Variants in XKR4 observed in about 807,000 individuals in gnomAD.
XKR4 encodes XK-related protein 4.
A neutral mutation model predicts 53.9 loss-of-function variants in XKR4; 12 were observed. That is an observed-to-expected ratio of 0.22 (90% CI 0.14 to 0.36). The LOEUF is 0.36. Ranked by LOEUF, XKR4 falls within the 10% of genes least tolerant of loss-of-function variation. The probability of loss-of-function intolerance (pLI) is 1.00; values close to 1 mark genes in which losing one functional copy is unlikely to be tolerated. For missense variants in XKR4, 799 were observed against 859.5 expected (o/e 0.93, Z 0.88); for synonymous variants, 354 against 362.4 (o/e 0.98, Z 0.26).
intron 2 of XKR4, among the ~76,000 whole-genome samples, chr8:55,461,203 G>C (rs1000965770): frequency 1.3e-5 from 2 of 152,222 alleles, no homozygotes; most frequent in Admixed American, 1.3e-4. Context: ...ACCCGGAGTA[G>C]CCTAACTGGA....
chr8:55,430,765 C>T (rs897915804), intron 2 of XKR4, among the ~76,000 whole-genome samples: 4 of 152,106 alleles, frequency 2.6e-5, no homozygotes, highest in African/African-American at 9.7e-5. Context: ...TCTTCTGAGG[C>T]CTCTCTCCTT....
chr8:55,435,765 G>A (rs1161702727), intron 2 of XKR4, among the ~76,000 whole-genome samples: 1 of 151,858 alleles, frequency 6.6e-6, no homozygotes, highest in African/African-American at 2.4e-5. Flanking sequence ...ATAAGGTCTT[G>A]CCACGTTGCC....
chr8:55,503,847 T>C (rs1418557207), intron 2 of XKR4, among the ~76,000 whole-genome samples: 1 of 152,180 alleles, frequency 6.6e-6, no homozygotes, highest in Non-Finnish European at 1.5e-5. Context: ...TTTTCGTTTA[T>C]GGCCTTTATT....
chr8:55,109,760 G>T (rs1816207761), intron 1 of XKR4, among the ~76,000 whole-genome samples: 1 of 152,160 alleles, frequency 6.6e-6, no homozygotes, highest in South Asian at 2.1e-4. Context: ...AGTTGAATGT[G>T]TAGCATCTGT....
intron 1 of XKR4, among the ~76,000 whole-genome samples, chr8:55,199,217 G>C (rs1030597169): frequency 6.6e-6 from 1 of 151,738 alleles, no homozygotes; most frequent in African/African-American, 2.4e-5. Flanking sequence ...GTCAGACTTT[G>C]TTTACAAAAA....
intron 1 of XKR4, among the ~76,000 whole-genome samples, chr8:55,153,902 T>TA (rs1816871544): frequency 6.6e-6 from 1 of 152,218 alleles, no homozygotes; most frequent in African/African-American, 2.4e-5. Context: ...AAATCAAAGA[T>TA]AGAGGGGAAT....
At chr8:55,258,633 C>A (rs547893052) in intron 1 of XKR4, among the ~76,000 whole-genome samples, 49 of 152,264 alleles carry the variant, frequency 3.2e-4, no homozygotes, top group African/African-American at 1.1e-3. Flanking sequence ...GGTCAACACT[C>A]CATACTGAGC....
intron 2 of XKR4, among the ~76,000 whole-genome samples, chr8:55,482,038 A>T (rs927069351): frequency 8.5e-5 from 13 of 152,316 alleles, no homozygotes; most frequent in African/African-American, 3.1e-4. Flanking sequence ...CAGCCATCCC[A>T]TTACTGAGTA....
At position 55,451,935 on chromosome 8, in the gene XKR4, C is replaced by T. The variant is rs1041520187; in HGVS notation, c.1007-71346C>T. On this transcript the variant is annotated intron_variant, in intron 2 of 2. Coordinates refer to ENST00000327381, the MANE Select transcript of XKR4 (RefSeq NM_052898.2). ...CCTCCTCCTGGTCCTCAGAGGGCGG[C>T]TGGCTCCAGTGCTCCTAGCTGAGTT... 1.4e-5 allele frequency: 11 copies of T among 777,582 alleles called. No individual in the cohort carries two copies. In the African/African-American group the frequency reaches 1.9e-4, roughly 13 times the overall value. The allele number at this position is 777,582 out of a possible 1,614,324, so 48.2% of individuals were successfully genotyped here. A position where few individuals can be genotyped will look rare whatever the true frequency, so the allele number is the denominator to read the frequency against.
chr8:55,308,836 A>G (rs1563321283), intron 1 of XKR4, among the ~76,000 whole-genome samples: 1 of 152,200 alleles, frequency 6.6e-6, no homozygotes, highest in Non-Finnish European at 1.5e-5. Flanking sequence ...ATGCTATAGT[A>G]TATGGCAATG....
At position 55,524,318 on chromosome 8, in the gene XKR4, G is replaced by A. The variant is rs774751472; in HGVS notation, c.*91G>A. ...TGACACTTCATCCTAGAGCAGGGCA[G>A]TGAGCCGTGAAGTTCCTAGTGGGAC... On this transcript the variant is annotated 3_prime_UTR_variant, in exon 3 of 3. Transcript: ENST00000327381. The A allele has an allele frequency of 3.8e-6, 5 of 1,309,236 alleles. No homozygotes were observed. The highest frequency in any genetic ancestry group is 1.5e-5 in the African/African-American group (1 of 67,526). 81.1% of individuals were successfully genotyped at this position (1,309,236 alleles called of 1,614,324 possible).
At chr8:55,377,488 AG>A (rs2129386996) in intron 2 of XKR4, among the ~76,000 whole-genome samples, 1 of 152,318 alleles carries the variant, frequency 6.6e-6, no homozygotes, top group African/African-American at 2.4e-5. Flanking sequence ...CTTACAGCCA[AG>A]GCAGCGCTAG....
intron 2 of XKR4, among the ~76,000 whole-genome samples, chr8:55,518,114 G>T (rs1806742510): frequency 6.6e-6 from 1 of 152,168 alleles, no homozygotes; most frequent in Admixed American, 6.5e-5. Context: ...TTAATTTACT[G>T]AGCCTCTTCC....
intron 1 of XKR4, among the ~76,000 whole-genome samples, chr8:55,205,532 G>A (rs1216788173): frequency 6.6e-6 from 1 of 152,198 alleles, no homozygotes; most frequent in Admixed American, 6.5e-5. Flanking sequence ...TTTTCTTGGG[G>A]ATACTGGCCA....
intron 1 of XKR4, among the ~76,000 whole-genome samples, chr8:55,289,085 C>G (rs1429951562): frequency 6.6e-6 from 1 of 152,062 alleles, no homozygotes; most frequent in Non-Finnish European, 1.5e-5. Context: ...AGGGTAGTTT[C>G]CAGTTTTTTA....
intron 1 of XKR4, among the ~76,000 whole-genome samples, chr8:55,302,839 A>T (rs905934894): frequency 3.3e-5 from 5 of 152,054 alleles, no homozygotes; most frequent in African/African-American, 7.2e-5. Context: ...TTTTTGTACA[A>T]TGATTTTGTA....
intron 1 of XKR4, among the ~76,000 whole-genome samples, chr8:55,306,570 A>G (rs574196733): frequency 1.3e-5 from 2 of 152,320 alleles, no homozygotes; most frequent in African/African-American, 4.8e-5. Context: ...GGAAATAAAG[A>G]GCTTGTGCAA....
chr8:55,159,658 C>G (rs555888410), intron 1 of XKR4, among the ~76,000 whole-genome samples: 35 of 152,178 alleles, frequency 2.3e-4, no homozygotes, highest in South Asian at 4.2e-4. Context: ...ACAAATGACC[C>G]TATAAAACAA....
chr8:55,443,442 T>G (rs905018927), intron 2 of XKR4, among the ~76,000 whole-genome samples: 6 of 149,094 alleles, frequency 4.0e-5, no homozygotes, highest in Non-Finnish European at 8.9e-5. Context: ...TGATTGAGGT[T>G]GTTTAAAAAA....
Sources: allele counts gnomAD v4.1 joint callset (sites outside exome capture counted in the v4.1 genomes callset), GRCh38; gene constraint gnomAD v4.1.1; transcripts MANE v1.5; gene names NCBI Gene and HGNC (gene_info 2026-07-23, HGNC 2026-07-21).